The following AP2B1 variants were observed in gnomAD, a reference collection of about 807,000 sequenced individuals.
AP2B1 encodes the protein adaptor related protein complex 2 subunit beta 1.
A neutral mutation model predicts 102.0 loss-of-function variants in AP2B1; 23 were observed. That is an observed-to-expected ratio of 0.23 (90% CI 0.16 to 0.32). The LOEUF (loss-of-function observed/expected upper bound fraction) is 0.32. AP2B1 is among the 10% of genes least tolerant of loss of function. The probability of loss-of-function intolerance (pLI) is 1.00; values close to 1 mark genes in which losing one functional copy is unlikely to be tolerated. For missense variants in AP2B1, 541 were observed against 1,157.4 expected, an observed-to-expected ratio of 0.47 and a Z score of 7.73; for synonymous variants, 381 against 421.2, an observed-to-expected ratio of 0.90 and a Z score of 1.17.
At chr17:35,703,627 G>A (rs587765390) in intron 18 of AP2B1, among the ~76,000 whole-genome samples, 2 of 152,186 alleles carry the variant, frequency 1.3e-5, no homozygotes, top group South Asian at 2.1e-4. Flanking sequence ...GGAGCTAAAC[G>A]ATGAGAACAC....
chr17:35,609,218 C>T (rs1020231232), intron 5 of AP2B1, among the ~76,000 whole-genome samples: 2 of 152,202 alleles, frequency 1.3e-5, no homozygotes, highest in East Asian at 3.9e-4. Flanking sequence ...TAGGATCTTG[C>T]TCTGTGGCCA....
At chr17:35,626,877 G>C (rs749194267) in intron 7 of AP2B1, 35 bp downstream of exon 7, 2 of 1,579,062 alleles carry the variant, frequency 1.3e-6, no homozygotes, top group South Asian at 1.1e-5. Context: ...TAAAGTGTTT[G>C]TAATTTTGCA....
In AP2B1 at chr17:35,723,805, A is replaced by G; in HGVS notation, c.*106A>G. 2 of 819,338 alleles carry G rather than the reference A, an allele frequency of 2.4e-6. No homozygotes were observed. Among genetic ancestry groups the G allele is most frequent in the Admixed American group, 3.8e-5 (2 of 53,054 alleles). 50.8% of individuals were successfully genotyped at this position (819,338 alleles called of 1,614,324 possible). A position where few individuals can be genotyped will look rare whatever the true frequency, so the allele number is the denominator to read the frequency against. On this transcript the variant is annotated 3_prime_UTR_variant, in exon 22 of 22. Coordinates refer to ENST00000610402, the MANE Select transcript of AP2B1 (RefSeq NM_001030006.2). ...CGTAGAATCTGAACACACTGAGGCC[A>G]CCTAGCAAGGTAGTAACTAGTCTAA...
intron 21 of AP2B1, among the ~76,000 whole-genome samples, chr17:35,720,111 C>T (rs72829924): frequency 3.4e-3 from 512 of 152,196 alleles, no homozygotes; most frequent in Non-Finnish European, 5.7e-3. Context: ...GCCAAACAGA[C>T]GGGCTGGGCA....
At chr17:35,624,366 T>A in intron 5 of AP2B1, 31 bp from the exon 6 acceptor site, 1 of 1,607,254 alleles carries the variant, frequency 6.2e-7, no homozygotes, top group African/African-American at 1.3e-5. Flanking sequence ...CTGTTCTTGG[T>A]GAATCAAGGT....
intron 14 of AP2B1, among the ~76,000 whole-genome samples, chr17:35,660,295 T>C (rs2075328151): frequency 6.6e-6 from 1 of 151,952 alleles, no homozygotes; most frequent in Non-Finnish European, 1.5e-5. Context: ...CAAGAGATGA[T>C]TTAGTTGGTC....
chr17:35,686,897 A>C (rs2075946362), intron 18 of AP2B1, among the ~76,000 whole-genome samples: 1 of 152,136 alleles, frequency 6.6e-6, no homozygotes, highest in African/African-American at 2.4e-5. Context: ...GAATGGCGTG[A>C]ACCCGGGAGG....
At chr17:35,656,979 C>T (rs2075245164) in intron 13 of AP2B1, among the ~76,000 whole-genome samples, 1 of 152,124 alleles carries the variant, frequency 6.6e-6, no homozygotes, top group Admixed American at 6.5e-5. Context: ...CCAAACTCTG[C>T]TCCTGCCAAT....
At chr17:35,640,191 A>G (rs1471866577) in intron 11 of AP2B1, among the ~76,000 whole-genome samples, 1 of 149,082 alleles carries the variant, frequency 6.7e-6, no homozygotes, top group African/African-American at 2.5e-5. Flanking sequence ...TGCTGGGATT[A>G]CGGGCATGAG....
chr17:35,591,353 A>G (rs2073093480), intron 1 of AP2B1, among the ~76,000 whole-genome samples: 1 of 151,946 alleles, frequency 6.6e-6, no homozygotes, highest in African/African-American at 2.4e-5. Context: ...TTGTATTTTT[A>G]TTAGAGACGG....
chr17:35,605,874 G>T, intron 4 of AP2B1, 34 bp downstream of exon 4: 1 of 1,597,124 alleles, frequency 6.3e-7, no homozygotes, highest in South Asian at 1.1e-5. Flanking sequence ...AACAGAGTTT[G>T]AATTGCAAAT....
rs553010896 is a variant in AP2B1 at position 35,636,367 on chromosome 17, A to G, written c.1182A>G (p.Thr394=). The change falls in exon 10 of 22, where the codon ACA becomes ACG. Residue 394 remains threonine (T), a synonymous_variant. Coordinates refer to ENST00000610402, the MANE Select transcript of AP2B1 (RefSeq NM_001030006.2). ...AATCTGCAGAGCGCTGTGTAAGCAC[A>G]TTGCTTGATCTAATCCAGACCAAAG... ...VEQSAERCVS[T]LLDLIQTKVN... is the part of the protein sequence containing the mutation. The G allele has an allele frequency of 1.4e-5, 23 of 1,613,920 alleles. No homozygotes were observed. The African/African-American group carries it at 2.3e-4, about 16-fold the overall frequency.
At chr17:35,642,343 T>G (rs932380999) in intron 12 of AP2B1, among the ~76,000 whole-genome samples, 14 of 152,188 alleles carry the variant, frequency 9.2e-5, no homozygotes, top group Non-Finnish European at 1.6e-4. Context: ...CTCAGTAAAG[T>G]TTCATGCATT....
intron 14 of AP2B1, among the ~76,000 whole-genome samples, chr17:35,663,977 T>G (rs2075409316): frequency 6.6e-6 from 1 of 152,250 alleles, no homozygotes; most frequent in Middle Eastern, 3.2e-3. Flanking sequence ...CACTGCAACC[T>G]TGAGCTCCTG....
chr17:35,717,357 C>T lies in AP2B1; in HGVS notation c.2781+8C>T. On this transcript the variant is annotated splice_region_variant and intron_variant, in intron 21 of 21. Transcript: ENST00000610402. ...GGAAACCCCAATTACACGGTAAGGC[C>T]TTTCTCAGAATGGGTGAGATGGATT... is the stretch of plus-strand genomic sequence containing the variant. 1 of 1,614,018 alleles carries T rather than the reference C, an allele frequency of 6.2e-7. No homozygotes were observed. Among genetic ancestry groups the T allele is most frequent in the Non-Finnish European group, 8.5e-7 (1 of 1,179,910 alleles).
intron 12 of AP2B1, among the ~76,000 whole-genome samples, chr17:35,645,235 GTTAAC>G (rs1424098610): frequency 6.6e-6 from 1 of 152,138 alleles, no homozygotes; most frequent in South Asian, 2.1e-4. Context: ...GCGAGCACAT[GTTAAC>G]TTAAATTGGG....
chr17:35,662,896 T>C (rs2075389605), intron 14 of AP2B1, among the ~76,000 whole-genome samples: 1 of 152,230 alleles, frequency 6.6e-6, no homozygotes. Context: ...GTGCCCTTTC[T>C]CTGTGCTGAT....
At chr17:35,597,607 G>C (rs2073335845) in intron 2 of AP2B1, among the ~76,000 whole-genome samples, 1 of 152,220 alleles carries the variant, frequency 6.6e-6, no homozygotes, top group Non-Finnish European at 1.5e-5. Context: ...AGAGTCACTT[G>C]GTGGAGCTCT....
chr17:35,627,518 G>A lies in AP2B1; in HGVS notation c.1059+13G>A. 6.2e-7 allele frequency: 1 copy of A among 1,614,022 alleles called. No individual in the cohort carries two copies. The highest frequency in any genetic ancestry group is 8.5e-7 in the Non-Finnish European group (1 of 1,179,956). On this transcript the variant is annotated intron_variant, in intron 8 of 21. Coordinates refer to ENST00000610402, the MANE Select transcript of AP2B1 (RefSeq NM_001030006.2). Reference sequence around the variant, plus strand: ...CAACATTGCTCAGGTCAGACTTTATGCAGACTCAAGTTGATGATGATTTAG... The same window carrying A: ...CAACATTGCTCAGGTCAGACTTTATACAGACTCAAGTTGATGATGATTTAG...
Sources: allele counts gnomAD v4.1 joint callset (sites outside exome capture counted in the v4.1 genomes callset), GRCh38; gene constraint gnomAD v4.1.1; transcripts MANE v1.5; gene names NCBI Gene and HGNC (gene_info 2026-07-23, HGNC 2026-07-21).